The following PCGF6 variants were observed in gnomAD, a reference collection of about 807,000 sequenced individuals.
The protein encoded by PCGF6 is polycomb group ring finger 6.
A neutral mutation model predicts 45.5 loss-of-function variants in PCGF6; 24 were observed. The ratio of observed to expected loss-of-function variants is 0.53; its 90% CI spans 0.38 to 0.74. The LOEUF (loss-of-function observed/expected upper bound fraction) is 0.74. Ranked by LOEUF, PCGF6 falls within the 30% of genes least tolerant of loss-of-function variation. The pLI, the probability that PCGF6 is intolerant of heterozygous loss-of-function variation, is 0.00. For synonymous variants in PCGF6, 152 were observed against 162.1 expected (o/e 0.94, Z 0.47); for missense variants, 356 against 443.2 (o/e 0.80, Z 1.77).
chr10:103,335,892 G>A lies in PCGF6; in HGVS notation c.783-1940C>T, dbSNP rs570963974. Among the ~76,000 whole-genome samples the A allele has an allele frequency of 3.6e-4, 54 of 151,886 alleles. 3 individuals are homozygous for A. The South Asian group carries it at 1.0e-2, about 28-fold the overall frequency. ...TGAGGCAGGAGAACTGCTTGAACCC[G>A]GGAGGCGGAGGTTGCAGTGAGCTGA... On this transcript the variant is annotated intron_variant, in intron 6 of 9. Transcript: ENST00000369847.
intron 7 of PCGF6, among the ~76,000 whole-genome samples, chr10:103,328,632 T>G (rs774150055): frequency 2.6e-5 from 4 of 152,234 alleles, no homozygotes; most frequent in Non-Finnish European, 5.9e-5. Flanking sequence ...TTAATGTATG[T>G]AAATAATAAA....
Position 103,350,753 on chromosome 10 carries a change from G to A in PCGF6, c.314C>T (p.Ser105Leu). ...EEEEEDMSHF[S>L]LRLEGGRQDS... is the part of the protein sequence containing the mutation. Reference sequence around the variant, plus strand: ...CTGCCGGCCTCCCTCCAGCCTCAACGAGAAGTGACTCATGTCCTCCTCCTC... The same window carrying A: ...CTGCCGGCCTCCCTCCAGCCTCAACAAGAAGTGACTCATGTCCTCCTCCTC... The change falls in exon 1 of 10, where the codon TCG (serine) becomes TTG (leucine). Residue 105 changes from serine (S) to leucine (L), a missense_variant. Around this residue, in one of 2 missense-constraint regions of PCGF6, gnomAD observed 307 missense variants for 350.1 expected, o/e 0.88. Transcript: ENST00000369847. 1 of 1,557,588 alleles carries A rather than the reference G, an allele frequency of 6.4e-7. No individual in the cohort carries two copies.
At chr10:103,338,105 G>T (rs1220416691) in intron 6 of PCGF6, among the ~76,000 whole-genome samples, 1 of 151,406 alleles carries the variant, frequency 6.6e-6, no homozygotes, top group South Asian at 2.1e-4. Flanking sequence ...GCTGAGCATG[G>T]TGGTGCATGT....
At chr10:103,305,395 T>C (rs1303732002) in intron 9 of PCGF6, among the ~76,000 whole-genome samples, 1 of 152,018 alleles carries the variant, frequency 6.6e-6, no homozygotes, top group Admixed American at 6.6e-5. Context: ...CTCAGCCTCT[T>C]GACCAGCTGG....
chr10:103,316,841 T>C (rs138298802), intron 8 of PCGF6, among the ~76,000 whole-genome samples: 4 of 152,190 alleles, frequency 2.6e-5, no homozygotes, highest in Non-Finnish European at 5.9e-5. Context: ...TATATAGAAT[T>C]ATGAGATAGA....
At chr10:103,347,523 T>C (rs1299647674) in intron 3 of PCGF6, 73 bp from the exon 4 acceptor site, 5 of 1,251,752 alleles carry the variant, frequency 4.0e-6, no homozygotes, top group Non-Finnish European at 5.7e-6. Flanking sequence ...GAGTTAATTG[T>C]GTTTTCTCTT....
At chr10:103,344,726 C>A (rs1340224712) in intron 6 of PCGF6, among the ~76,000 whole-genome samples, 3 of 151,736 alleles carry the variant, frequency 2.0e-5, no homozygotes, top group African/African-American at 7.3e-5. Flanking sequence ...CCACGCCCAG[C>A]TAATTTTTTT....
At chr10:103,316,364 G>GA (rs1360024972) in intron 8 of PCGF6, among the ~76,000 whole-genome samples, 1 of 152,100 alleles carries the variant, frequency 6.6e-6, no homozygotes, top group Non-Finnish European at 1.5e-5. Flanking sequence ...GCATGGTTGG[G>GA]AAAGAACAGT....
At chr10:103,314,955 A>T (rs551013393) in intron 8 of PCGF6, among the ~76,000 whole-genome samples, 221 of 14,634 alleles carry the variant, frequency 0.015, no homozygotes, top group African/African-American at 0.028. Context: ...ACTCTGTCAT[A>T]AAAAAAAAAA....
At chr10:103,325,002 C>T (rs1007677158) in intron 8 of PCGF6, among the ~76,000 whole-genome samples, 1 of 150,492 alleles carries the variant, frequency 6.6e-6, no homozygotes, top group Non-Finnish European at 1.5e-5. Context: ...GGCATGGTGG[C>T]ACCTGCCTGT....
chr10:103,305,927 T>TA (rs2093136792), intron 9 of PCGF6, among the ~76,000 whole-genome samples: 1 of 151,862 alleles, frequency 6.6e-6, no homozygotes, highest in African/African-American at 2.4e-5. Context: ...AAGAATTTTT[T>TA]AAAAGAGTAA....
rs867176150 is a variant in PCGF6 at position 103,333,939 on chromosome 10, T to C, written c.796A>G (p.Thr266Ala). The C allele has an allele frequency of 1.9e-6, 3 of 1,556,496 alleles. No homozygotes were observed. Among genetic ancestry groups the C allele is most frequent in the Non-Finnish European group, 2.6e-6 (3 of 1,155,474 alleles). Reference sequence around the variant, plus strand: ...AAGTAAAATACCTTAAAATGTCCCGTGCCTTCATTAGCACTGAAAAATGAG... The same window carrying C: ...AAGTAAAATACCTTAAAATGTCCCGCGCCTTCATTAGCACTGAAAAATGAG... ...LLEFIGANEG[T>A]GHFKPLEKKF... is the part of the protein sequence containing the mutation. The change falls in exon 7 of 10, where the codon ACG (threonine) becomes GCG (alanine). Residue 266 changes from threonine (T) to alanine (A), a missense_variant. By Grantham distance (58) the Thr-to-Ala change is moderately conservative. Coordinates refer to ENST00000369847, the MANE Select transcript of PCGF6 (RefSeq NM_001011663.2).
rs181637073 is a variant in PCGF6 at position 103,343,533 on chromosome 10, G to A, written c.782+1491C>T. Among the ~76,000 whole-genome samples the A allele has an allele frequency of 4.0e-3, 614 of 152,152 alleles. 1 individual carries two copies. Among genetic ancestry groups the A allele is most frequent in the Middle Eastern group, 0.01 (3 of 292 alleles). On this transcript the variant is annotated intron_variant, in intron 6 of 9. Coordinates refer to ENST00000369847, the MANE Select transcript of PCGF6 (RefSeq NM_001011663.2). ...GAGTACACCATATGCTACAGTGTAT[G>A]AAAGAAGCAATTTATAAGTATCTAG...
intron 6 of PCGF6, among the ~76,000 whole-genome samples, chr10:103,342,299 T>C (rs2093283839): frequency 6.6e-6 from 1 of 151,056 alleles, no homozygotes; most frequent in Non-Finnish European, 1.5e-5. Context: ...AACAGCATAA[T>C]CTTGGGTTAC....
At chr10:103,313,979 T>G (rs1031254868) in intron 9 of PCGF6, among the ~76,000 whole-genome samples, 1 of 152,174 alleles carries the variant, frequency 6.6e-6, no homozygotes, top group African/African-American at 2.4e-5. Flanking sequence ...TTAGAATAAT[T>G]ATGAAGAATA....
rs1303170968 is a variant in PCGF6, at chr10:103,339,804, AAAAAAAAC to A, written c.782+5212_782+5219del. ...AAAAGCGAAATTCTGTCTGTCTCAA[AAAAAAAAC>A]ACACACACACACACACACACACACA... On this transcript the variant is annotated intron_variant, in intron 6 of 9. Transcript: ENST00000369847. Among the ~76,000 whole-genome samples the A allele has an allele frequency of 2.3e-3, 90 of 39,942 alleles. 4 individuals carry two copies. Among genetic ancestry groups the A allele is most frequent in the African/African-American group, 3.1e-3 (39 of 12,620 alleles). The allele number at this position is 39,942 out of a possible 152,430, so 26.2% of individuals were successfully genotyped here. A position where few individuals can be genotyped will look rare whatever the true frequency, so the allele number is the denominator to read the frequency against.
At chr10:103,328,902 C>A (rs2093229173) in intron 7 of PCGF6, among the ~76,000 whole-genome samples, 1 of 151,526 alleles carries the variant, frequency 6.6e-6, no homozygotes, top group African/African-American at 2.4e-5. Flanking sequence ...CAGGCGTGTA[C>A]CACCACGCTA....
intron 8 of PCGF6, among the ~76,000 whole-genome samples, chr10:103,325,748 G>A (rs1192332964): frequency 6.6e-6 from 1 of 151,806 alleles, no homozygotes; most frequent in Non-Finnish European, 1.5e-5. Flanking sequence ...GCCTGGCACA[G>A]TGGCTAACTC....
intron 1 of PCGF6, 64 bp downstream of exon 1, chr10:103,350,643 C>T: frequency 7.4e-7 from 1 of 1,360,494 alleles, no homozygotes; most frequent in Non-Finnish European, 9.5e-7. Flanking sequence ...GCCCGGCAGA[C>T]GAGGGCCAGC....
Sources: gnomAD v4.1 joint callset for allele counts (sites outside exome capture counted in the v4.1 genomes callset) on GRCh38, gnomAD v4.1.1 for gene constraint, gnomAD v4.1.1 regional missense constraint, MANE v1.5 for transcripts, NCBI Gene and HGNC (gene_info 2026-07-23, HGNC 2026-07-21) for gene names.